Variants in DIS3L2 observed in about 807,000 individuals in gnomAD.
The protein encoded by DIS3L2 is DIS3-like exonuclease 2.
A neutral mutation model predicts 97.5 loss-of-function variants in DIS3L2; 34 were observed. The observed-to-expected ratio is 0.35, with a 90% CI of 0.27 to 0.46. The LOEUF is 0.46. Ranked by LOEUF, DIS3L2 falls within the 20% of genes least tolerant of loss-of-function variation. The pLI is 1.00. For missense variants in DIS3L2, 1,038 were observed against 1,146.0 expected (o/e 0.91, Z 1.36); for synonymous variants, 435 against 445.2 (o/e 0.98, Z 0.29).
At chr2:232,087,351 C>G in intron 5 of DIS3L2, 136 bp from the exon 6 acceptor site, 1 of 653,784 alleles carries the variant, frequency 1.5e-6, no homozygotes. Context: ...AAATAAAGAT[C>G]CTTTTTTGAA....
rs746196629 is a variant in DIS3L2, at chr2:232,335,923, C to T, written c.2496+49C>T. 2.6e-5 allele frequency: 40 copies of T among 1,548,596 alleles called. No homozygotes were observed. The African/African-American group carries it at 5.3e-4, about 21-fold the overall frequency. On this transcript the variant is annotated intron_variant, in intron 20 of 20. Transcript: ENST00000325385. ...CCCCCTAAGTCCTGATGACCCCTCT[C>T]CTGCCTCCTGCGGTGCCCCTCATTC...
intron 9 of DIS3L2, among the ~76,000 whole-genome samples, chr2:232,185,028 T>A (rs1691397529): frequency 6.6e-6 from 1 of 152,206 alleles, no homozygotes; most frequent in East Asian, 1.9e-4. Flanking sequence ...CTTGCCATAA[T>A]GTACCTAATT....
chr2:232,234,784 C>T (rs1010585728), intron 10 of DIS3L2, among the ~76,000 whole-genome samples: 1 of 152,144 alleles, frequency 6.6e-6, no homozygotes, highest in African/African-American at 2.4e-5. Flanking sequence ...CCCATTAGAC[C>T]GAGAGCTCCT....
chr2:232,249,389 GT>G (rs745518804), intron 12 of DIS3L2, 43 bp downstream of exon 12: 1 of 1,585,424 alleles, frequency 6.3e-7, no homozygotes, highest in Non-Finnish European at 8.6e-7. Flanking sequence ...CCTCTTTTCT[GT>G]TCCATGAGTC....
rs1466322904 is a variant in DIS3L2, at chr2:232,249,250, G to A, written c.1329G>A (p.Met443Ile). 6.2e-7 allele frequency: 1 copy of A among 1,613,982 alleles called. No homozygotes were observed. The highest frequency in any genetic ancestry group is 2.2e-5 in the East Asian group (1 of 44,882). ...TGCTCTATTTACAGGTGGTCCCCAT[G>A]CTTCCCAGGCTGCTGTGTGAGGAGC... Reference protein sequence around the residue: ...SVYLVQKVVPMLPRLLCEELC... With the variant: ...SVYLVQKVVPILPRLLCEELC... The change falls in exon 12 of 21, where the codon ATG becomes ATA. Residue 443 changes from methionine (M) to isoleucine (I), a missense_variant. Met to Ile is a conservative substitution (Grantham distance 10, BLOSUM62 1). Around this residue, in one of 3 missense-constraint regions of DIS3L2, gnomAD observed 813 missense variants for 880.1 expected, o/e 0.92. Coordinates refer to ENST00000325385, the MANE Select transcript of DIS3L2 (RefSeq NM_152383.5).
chr2:232,154,380 C>T (rs1313348758), intron 8 of DIS3L2, among the ~76,000 whole-genome samples: 2 of 11,924 alleles, frequency 1.7e-4, no homozygotes, highest in East Asian at 2.3e-3. Context: ...GATGGGTTTT[C>T]GGTGTAGATG....
At position 232,229,400 on chromosome 2, in the gene DIS3L2, T is replaced by C. The variant is rs540249942; in HGVS notation, c.1205-9133T>C. On this transcript the variant is annotated intron_variant, in intron 10 of 20. Coordinates refer to ENST00000325385, the MANE Select transcript of DIS3L2 (RefSeq NM_152383.5). ...TCGCAGTCCCTAGGGCTTCACTGTC[T>C]TTTGGCTTTGAGTAAGGACCAAGTG... Among the ~76,000 whole-genome samples, 68 of 152,318 alleles carry C rather than the reference T, an allele frequency of 4.5e-4. 1 individual carries two copies. Among genetic ancestry groups the C allele is most frequent in the African/African-American group, 1.5e-3 (64 of 41,578 alleles).
intron 13 of DIS3L2, among the ~76,000 whole-genome samples, chr2:232,263,907 A>G (rs1693789308): frequency 6.6e-6 from 1 of 152,214 alleles, no homozygotes; most frequent in Non-Finnish European, 1.5e-5. Context: ...TCATCTCCCA[A>G]AAAAGAGTTA....
At position 232,130,647 on chromosome 2, in the gene DIS3L2, A is replaced by G. The variant is rs968594468; in HGVS notation, c.630A>G (p.Thr210=). 6 of 1,613,188 alleles carry G rather than the reference A, an allele frequency of 3.7e-6. No individual in the cohort carries two copies. The highest frequency in any genetic ancestry group is 1.7e-5 in the Admixed American group (1 of 59,896). ...KGREDGDAPV[T]KDETTCISQD... is the part of the protein sequence containing the mutation. ...GAGAGGATGGTGATGCACCGGTTAC[A>G]AAAGATGAGACCACCTGCATTTCAC... Residue 210 remains threonine, a synonymous_variant, in exon 7 of 21, where the codon ACA becomes ACG. Transcript: ENST00000325385.
chr2:232,226,951 CAG>C (rs1309911288), intron 10 of DIS3L2, among the ~76,000 whole-genome samples: 7 of 151,884 alleles, frequency 4.6e-5, no homozygotes, highest in Admixed American at 1.3e-4. Context: ...ACTTGGGTGA[CAG>C]AGCAAGACCC....
chr2:232,145,171 G>A (rs1690184286), intron 8 of DIS3L2, among the ~76,000 whole-genome samples: 5 of 151,914 alleles, frequency 3.3e-5, no homozygotes, highest in Admixed American at 3.3e-4. Flanking sequence ...TGATTTTTTT[G>A]GAGTTAAAAA....
intron 10 of DIS3L2, among the ~76,000 whole-genome samples, chr2:232,233,837 C>T (rs1692862072): frequency 6.6e-6 from 1 of 152,168 alleles, no homozygotes; most frequent in South Asian, 2.1e-4. Flanking sequence ...AGAGCTTGTT[C>T]ATCTAATTAA....
intron 5 of DIS3L2, among the ~76,000 whole-genome samples, chr2:232,063,710 G>A (rs958939303): frequency 6.6e-6 from 1 of 152,016 alleles, no homozygotes; most frequent in Non-Finnish European, 1.5e-5. Flanking sequence ...CCATTTGATT[G>A]ATGATTGCTT....
At chr2:232,327,769 G>A (rs900071298) in intron 14 of DIS3L2, among the ~76,000 whole-genome samples, 2 of 152,186 alleles carry the variant, frequency 1.3e-5, no homozygotes, top group African/African-American at 4.8e-5. Flanking sequence ...ATATTGAGGA[G>A]ACCCCCAGCT....
At chr2:232,078,351 T>C (rs1574856919) in intron 5 of DIS3L2, among the ~76,000 whole-genome samples, 1 of 152,074 alleles carries the variant, frequency 6.6e-6, no homozygotes, top group East Asian at 1.9e-4. Flanking sequence ...GCCTAGAGTA[T>C]TTTCTATCTG....
rs539762259 is a variant in DIS3L2, at chr2:232,087,737, T to C, written c.601+16T>C. On this transcript the variant is annotated intron_variant, in intron 6 of 20. Coordinates refer to ENST00000325385, the MANE Select transcript of DIS3L2 (RefSeq NM_152383.5). ...TCTGAGAAAGGTGAGTACTAGACTA[T>C]TGTCTTACTTTTTTTTTAAGTACAC... is the stretch of plus-strand genomic sequence containing the variant. The C allele has an allele frequency of 6.3e-7, 1 of 1,593,826 alleles. No homozygotes were observed.
chr2:231,981,629 T>TATATATATAC, intron 1 of DIS3L2, among the ~76,000 whole-genome samples: 1 of 142,586 alleles, frequency 7.0e-6, no homozygotes. Flanking sequence ...TATATATATA[T>TATATATATAC]ATATATATGA....
chr2:232,174,628 G>A (rs190859950), intron 9 of DIS3L2, among the ~76,000 whole-genome samples: 189 of 149,446 alleles, frequency 1.3e-3, no homozygotes, highest in African/African-American at 4.1e-3. Flanking sequence ...TCTGTTTTTC[G>A]TGGATACCAT....
chr2:231,998,764 A>G (rs1326349301), intron 1 of DIS3L2, among the ~76,000 whole-genome samples: 1 of 152,164 alleles, frequency 6.6e-6, no homozygotes, highest in African/African-American at 2.4e-5. Flanking sequence ...TTCTAATTCC[A>G]TTGTTTTTTC....
Sources: gnomAD v4.1 joint callset for allele counts (sites outside exome capture counted in the v4.1 genomes callset) on GRCh38, gnomAD v4.1.1 for gene constraint, gnomAD v4.1.1 regional missense constraint, MANE v1.5 for transcripts, NCBI Gene and HGNC (gene_info 2026-07-23, HGNC 2026-07-21) for gene names.